Variants in WNT2B observed in about 807,000 individuals in gnomAD.
The protein encoded by WNT2B is Wnt family member 2B.
A neutral mutation model predicts 40.5 loss-of-function variants in WNT2B; 19 were observed. That is an observed-to-expected ratio of 0.47 (90% CI 0.33 to 0.69). The LOEUF is 0.69. WNT2B is among the 30% of genes least tolerant of loss of function. The pLI is 0.02. For missense variants in WNT2B, 467 were observed against 556.4 expected (o/e 0.84, Z 1.62); for synonymous variants, 220 against 211.9 (o/e 1.04, Z -0.33).
chr1:112,506,524 A>G (rs1319637724), upstream of WNT2B, among the ~76,000 whole-genome samples: 1 of 152,180 alleles, frequency 6.6e-6, no homozygotes, highest in Non-Finnish European at 1.5e-5. Context: ...ACACAGGGCC[A>G]GAGTCACACC....
intron 1 of WNT2B, among the ~76,000 whole-genome samples, chr1:112,500,411 T>C (rs1651911056): frequency 1.3e-5 from 2 of 152,144 alleles, no homozygotes; most frequent in African/African-American, 4.8e-5. Flanking sequence ...AGTATTGGGG[T>C]TATTATCGCT....
At chr1:112,472,337 G>A (rs536340609) in intron 1 of WNT2B, among the ~76,000 whole-genome samples, 1 of 152,304 alleles carries the variant, frequency 6.6e-6, no homozygotes, top group Non-Finnish European at 1.5e-5. Flanking sequence ...GCAAATGTAT[G>A]AGGAAACTAC....
chr1:112,509,959 A>C lies in WNT2B; in HGVS notation c.182+515A>C, dbSNP rs1389141162. Among the ~76,000 whole-genome samples the C allele has an allele frequency of 6.6e-6, 1 of 152,134 alleles. No homozygotes were observed. Among genetic ancestry groups the C allele is most frequent in the Non-Finnish European group, 1.5e-5 (1 of 68,016 alleles). On this transcript the variant is annotated intron_variant, in intron 1 of 4. Coordinates refer to ENST00000369684, the MANE Select transcript of WNT2B (RefSeq NM_024494.3). This position sits in a 1 kb window ranked among gnomAD's most constrained non-coding sequence, Gnocchi z 4.2. ...ATGGAATCGAGGCAAAATTTACCCC[A>C]TTAACTCCCACAATTAAAACAAACA...
At chr1:112,495,907 A>G (rs1651752820) in intron 1 of WNT2B, among the ~76,000 whole-genome samples, 1 of 152,134 alleles carries the variant, frequency 6.6e-6, no homozygotes, top group Non-Finnish European at 1.5e-5. Context: ...TGAATCCTCC[A>G]GAGTGGAGGA....
intron 1 of WNT2B, among the ~76,000 whole-genome samples, chr1:112,482,564 C>T (rs1302956008): frequency 6.6e-6 from 1 of 152,122 alleles, no homozygotes; most frequent in East Asian, 1.9e-4. Flanking sequence ...AACTCCTGGC[C>T]TCAAGCAATC....
chr1:112,482,548 G>A (rs1056981465), intron 1 of WNT2B, among the ~76,000 whole-genome samples: 1 of 152,066 alleles, frequency 6.6e-6, no homozygotes, highest in African/African-American at 2.4e-5. Flanking sequence ...GCCCAGGCTA[G>A]TCTCAAACTC....
At chr1:112,511,232 A>C (rs351369) in intron 1 of WNT2B, among the ~76,000 whole-genome samples, 75,846 of 151,388 alleles carry the variant, frequency 0.5, 22,271 homozygotes, top group South Asian at 0.72. Flanking sequence ...TTCCTGGGTG[A>C]AAGAGCTAGG....
At chr1:112,516,074 T>A in intron 2 of WNT2B, 66 bp from the exon 3 acceptor site, 1 of 1,546,556 alleles carries the variant, frequency 6.5e-7, no homozygotes, top group South Asian at 1.2e-5. Context: ...AGAGGTTGTA[T>A]GGGCTGAAGA....
At chr1:112,504,826 A>G (rs1476296336), upstream of WNT2B, among the ~76,000 whole-genome samples, 1 of 149,806 alleles carries the variant, frequency 6.7e-6, no homozygotes, top group Admixed American at 6.7e-5. Flanking sequence ...CATCCACACC[A>G]CCTCCCACCC....
chr1:112,497,935 G>T (rs957016808), intron 1 of WNT2B, among the ~76,000 whole-genome samples: 4 of 150,892 alleles, frequency 2.7e-5, no homozygotes, highest in Non-Finnish European at 5.9e-5. Context: ...TTTAAGTTCC[G>T]GGATACATGT....
intron 1 of WNT2B, among the ~76,000 whole-genome samples, chr1:112,476,480 C>T (rs1390629286): frequency 6.6e-6 from 1 of 152,030 alleles, no homozygotes; most frequent in Non-Finnish European, 1.5e-5. Flanking sequence ...GGGAGAGCTG[C>T]AGAGTACAAT....
intron 1 of WNT2B, among the ~76,000 whole-genome samples, chr1:112,488,559 T>G (rs549363294): frequency 2.0e-5 from 3 of 151,444 alleles, no homozygotes; most frequent in Admixed American, 6.6e-5. Context: ...TACTGTTTTT[T>G]TTTTTTTTTT....
At chr1:112,479,975 G>A (rs1320021953) in intron 1 of WNT2B, among the ~76,000 whole-genome samples, 1 of 151,978 alleles carries the variant, frequency 6.6e-6, no homozygotes, top group African/African-American at 2.4e-5. Context: ...GCCTCCCAAA[G>A]TGCTGGGATT....
Position 112,515,229 on chromosome 1 carries a change from C to A in WNT2B, c.403+135C>A. On this transcript the variant is annotated intron_variant, in intron 2 of 4. Coordinates refer to ENST00000369684, the MANE Select transcript of WNT2B (RefSeq NM_024494.3). This position sits in a 1 kb window ranked among gnomAD's most constrained non-coding sequence, Gnocchi z 4.4. ...ATCAGAGAAAGAACTGTGGGCAGAGCCCAGGATATAATTGGGAACAGACTC... is the reference window on the plus strand; with the variant it reads ...ATCAGAGAAAGAACTGTGGGCAGAGACCAGGATATAATTGGGAACAGACTC... The A allele has an allele frequency of 9.2e-7, 1 of 1,084,840 alleles. No individual in the cohort carries two copies. The highest frequency in any genetic ancestry group is 1.3e-6 in the Non-Finnish European group (1 of 757,112). The allele number at this position is 1,084,840 out of a possible 1,614,324, so 67.2% of individuals were successfully genotyped here. A position where few individuals can be genotyped will look rare whatever the true frequency, so the allele number is the denominator to read the frequency against.
At chr1:112,497,922 T>C (rs1437127661) in intron 1 of WNT2B, among the ~76,000 whole-genome samples, 1 of 152,150 alleles carries the variant, frequency 6.6e-6, no homozygotes. Context: ...ACTCTTTTTT[T>C]TTTTTAAGTT....
Position 112,524,922 on chromosome 1 carries a change from A to T in WNT2B, c.*4413A>T, listed in dbSNP as rs1217016864. The T allele has an allele frequency of 6.6e-6, 1 of 152,214 alleles. No homozygotes were observed. The highest frequency in any genetic ancestry group is 6.5e-5 in the Admixed American group (1 of 15,284). 9.4% of individuals were successfully genotyped at this position (152,214 alleles called of 1,614,324 possible). ...AATAGGGTCTGGCTTTAATCAAGGAATATCTACAAAGTCACATTACCAACC... is the reference window on the plus strand; with the variant it reads ...AATAGGGTCTGGCTTTAATCAAGGATTATCTACAAAGTCACATTACCAACC... On this transcript the variant is annotated 3_prime_UTR_variant, in exon 5 of 5. Transcript: ENST00000369684.
Position 112,483,036 on chromosome 1 carries a change from G to A in WNT2B, c.-95+15445G>A, listed in dbSNP as rs145598551. 2.2e-3 allele frequency among the ~76,000 whole-genome samples: 329 copies of A among 152,242 alleles called. 1 individual carries two copies. Among genetic ancestry groups the A allele is most frequent in the Non-Finnish European group, 3.8e-3 (259 of 68,020 alleles). On this transcript the variant is annotated intron_variant, in intron 1 of 4. Coordinates refer to the WNT2B transcript ENST00000256640. Reference sequence around the variant, plus strand: ...TAATCACACTTCCCAATTTTGAAATGTATTATAGCCAGATACAGGGTAGTC... The same window carrying A: ...TAATCACACTTCCCAATTTTGAAATATATTATAGCCAGATACAGGGTAGTC...
intron 1 of WNT2B, among the ~76,000 whole-genome samples, chr1:112,502,031 G>A (rs1462357382): frequency 6.6e-6 from 1 of 152,256 alleles, no homozygotes; most frequent in African/African-American, 2.4e-5. Flanking sequence ...CCACCCGCGA[G>A]TCGGAAAGCG....
intron 1 of WNT2B, among the ~76,000 whole-genome samples, chr1:112,486,132 A>AACACAC (rs71584737): frequency 0.36 from 51,696 of 143,698 alleles, 10,260 homozygotes; most frequent in South Asian, 0.52. Context: ...ATGAGTTTTT[A>AACACAC]ACACACACAC....
Sources: gnomAD v4.1 joint callset for allele counts (sites outside exome capture counted in the v4.1 genomes callset) on GRCh38, gnomAD v4.1.1 for gene constraint, Gnocchi (gnomAD v3.1) non-coding constraint, MANE v1.5 for transcripts, NCBI Gene and HGNC (gene_info 2026-07-23, HGNC 2026-07-21) for gene names.